RFX2: variants seen among roughly 807,000 people sequenced by gnomAD.
RFX2 encodes regulatory factor X2.
RFX2 carries 20 observed loss-of-function variants against 87.8 expected under a neutral mutation model. That is an observed-to-expected ratio of 0.23 (90% CI 0.16 to 0.33). The LOEUF (loss-of-function observed/expected upper bound fraction) is 0.33, where lower values mean the gene tolerates loss of function less well. Among genes scored for constraint, RFX2 ranks in the 10% least tolerant of loss-of-function variants. The probability of loss-of-function intolerance (pLI) is 1.00; values close to 1 mark genes in which losing one functional copy is unlikely to be tolerated. For synonymous variants in RFX2, 397 were observed against 431.3 expected, an observed-to-expected ratio of 0.92 and a Z score of 0.98; for missense variants, 767 against 1,012.3, an observed-to-expected ratio of 0.76 and a Z score of 3.29.
chr19:6,040,202 G>A lies in RFX2; in HGVS notation c.300C>T (p.Tyr100=), dbSNP rs764098941. The A allele has an allele frequency of 1.6e-5, 25 of 1,587,464 alleles. No individual in the cohort carries two copies. The highest frequency in any genetic ancestry group is 1.7e-4 in the Middle Eastern group (1 of 5,962). The stretch of plus-strand genomic sequence containing the variant: ...AGTAAGAAGCCGTGCTGCTGGGGGC[G>A]TACATCTGAGGCTCGGGGTTGTAGG... ...AYTYNPEPQM[Y]APSSTASYFE... is the part of the protein sequence containing the mutation. Residue 100 remains tyrosine, a synonymous_variant, in exon 5 of 18, where the codon TAC becomes TAT. Transcript: ENST00000303657. This position sits in a 1 kb window ranked among gnomAD's most constrained non-coding sequence, Gnocchi z 6.1.
chr19:6,038,393 C>T (rs1308731606), intron 5 of RFX2, among the ~76,000 whole-genome samples: 1 of 99,912 alleles, frequency 1.0e-5, no homozygotes. Context: ...TCAAAGAAAA[C>T]AGGAGAAAAT....
In RFX2 at chr19:6,064,111, T is replaced by C. The variant is rs552009579; in HGVS notation, c.-8-16607A>G. Among the ~76,000 whole-genome samples the C allele has an allele frequency of 5.9e-5, 9 of 152,280 alleles. No homozygotes were observed. The South Asian group carries it at 1.9e-3, about 32-fold the overall frequency. ...GATCCCTCACCCCAACCCCAGACCC[T>C]ACGTAGCACATTGCCTGCAAAGATG... On this transcript the variant is annotated intron_variant, in intron 1 of 17. Transcript: ENST00000303657. This position sits in a 1 kb window ranked among gnomAD's most constrained non-coding sequence, Gnocchi z 4.8.
At chr19:6,065,687 TTAAA>T (rs2087500114) in intron 1 of RFX2, among the ~76,000 whole-genome samples, 2 of 152,058 alleles carry the variant, frequency 1.3e-5, no homozygotes, top group South Asian at 4.1e-4. Context: ...TTTAGATACT[TTAAA>T]TAGTCCTAAG....
At chr19:6,109,424 G>T (rs62107233) in intron 1 of RFX2, 2,902 of 152,380 alleles carry the variant, frequency 0.019, 37 homozygotes, top group South Asian at 0.045. Context: ...GGGAGTTTGG[G>T]ATGAAAAGGT....
At position 6,107,616 on chromosome 19, in the gene RFX2, C is replaced by CAAAAAAAAAAAAA. The variant is rs1156483792; in HGVS notation, c.-9+2764_-9+2776dup. Among the ~76,000 whole-genome samples, 61 of 31,552 alleles carry CAAAAAAAAAAAAA rather than the reference C, an allele frequency of 1.9e-3. 5 individuals are homozygous for CAAAAAAAAAAAAA. Among genetic ancestry groups the CAAAAAAAAAAAAA allele is most frequent in the African/African-American group, 5.8e-3 (47 of 8,078 alleles). 20.7% of individuals were successfully genotyped at this position (31,552 alleles called of 152,430 possible). Reference sequence around the variant, plus strand: ...TGGGTGACAGAGTGAGACCCTGTCTCAAAAAAAAAAAAAAAAAAAAAAAAA... The same window carrying CAAAAAAAAAAAAA: ...TGGGTGACAGAGTGAGACCCTGTCTCAAAAAAAAAAAAAAAAAAAAAAAAAAAAAAAAAAAAAA... On this transcript the variant is annotated intron_variant, in intron 1 of 17. Coordinates refer to ENST00000303657, the MANE Select transcript of RFX2 (RefSeq NM_000635.4).
In RFX2 at chr19:6,023,786, TTTTTTTTTTTTGAGATGGAG is replaced by T. The variant is rs2086851417; in HGVS notation, c.597+2357_597+2376del. Among the ~76,000 whole-genome samples the T allele has an allele frequency of 6.9e-6, 1 of 145,208 alleles. No homozygotes were observed. The highest frequency in any genetic ancestry group is 2.2e-4 in the South Asian group (1 of 4,586). On this transcript the variant is annotated intron_variant, in intron 6 of 17. Coordinates refer to ENST00000303657, the MANE Select transcript of RFX2 (RefSeq NM_000635.4). The surrounding 1 kb of genome is among the most constrained non-coding windows in gnomAD (Gnocchi z 4.9). ...TGCATTTTCCCATAGACATTTTTTCTTTTTTTTTTTTGAGATGGAGTCTCGCTCTGTCTCCCAGGCTGGAG... is the reference window on the plus strand; with the variant it reads ...TGCATTTTCCCATAGACATTTTTTCTTCTCGCTCTGTCTCCCAGGCTGGAG...
rs1257949008 is a variant in RFX2, at chr19:6,002,383, TG to T, written c.1650+337del. Among the ~76,000 whole-genome samples, 1 of 152,256 alleles carries T rather than the reference TG, an allele frequency of 6.6e-6. No individual in the cohort carries two copies. Among genetic ancestry groups the T allele is most frequent in the Non-Finnish European group, 1.5e-5 (1 of 68,040 alleles). On this transcript the variant is annotated intron_variant, in intron 14 of 17. Transcript: ENST00000303657. The surrounding 1 kb of genome is among the most constrained non-coding windows in gnomAD (Gnocchi z 6.7). Reference sequence around the variant, plus strand: ...AATAAGCATAGCTCGGAAGCTGCTGTGGGCCGACACTTTGCCAAGCCCAGGG... The same window carrying T: ...AATAAGCATAGCTCGGAAGCTGCTGTGGCCGACACTTTGCCAAGCCCAGGG...
At position 6,044,157 on chromosome 19, in the gene RFX2, C is replaced by A; in HGVS notation, c.180+36G>T. ...TCTGGATTGCTGAGTGCTAACTGCG[C>A]CCCGGTTTGCACGGTGCTGCGGTGC... On this transcript the variant is annotated intron_variant, in intron 3 of 17. Coordinates refer to ENST00000303657, the MANE Select transcript of RFX2 (RefSeq NM_000635.4). This position sits in a 1 kb window ranked among gnomAD's most constrained non-coding sequence, Gnocchi z 5.3. 7.7e-7 allele frequency: 1 copy of A among 1,300,514 alleles called. No individual in the cohort carries two copies. Among genetic ancestry groups the A allele is most frequent in the Non-Finnish European group, 1.0e-6 (1 of 986,866 alleles). The allele number at this position is 1,300,514 out of a possible 1,614,324, so 80.6% of individuals were successfully genotyped here.
In RFX2 at chr19:5,999,461, G is replaced by A. The variant is rs914729703; in HGVS notation, c.1860-2248C>T. Among the ~76,000 whole-genome samples the A allele has an allele frequency of 1.3e-5, 2 of 151,892 alleles. No individual in the cohort carries two copies. The highest frequency in any genetic ancestry group is 2.9e-5 in the Non-Finnish European group (2 of 67,976). ...CCCTCTGTCCATGGAGACTGGCATC[G>A]GCATCCCTACGCTGTCTCTTCCCTT... On this transcript the variant is annotated intron_variant, in intron 15 of 17. Coordinates refer to ENST00000303657, the MANE Select transcript of RFX2 (RefSeq NM_000635.4). The surrounding 1 kb of genome is among the most constrained non-coding windows in gnomAD (Gnocchi z 4.1).
In RFX2 at chr19:5,994,921, C is replaced by T. The variant is rs35216341; in HGVS notation, c.2086G>A (p.Glu696Lys). 95 of 1,608,368 alleles carry T rather than the reference C, an allele frequency of 5.9e-5. No individual in the cohort carries two copies. In the African/African-American group the frequency reaches 8.7e-4, roughly 15 times the overall value. The change falls in exon 18 of 18, where the codon GAG becomes AAG. Residue 696 changes from glutamate (E) to lysine (K), a missense_variant. By Grantham distance (56) the Glu-to-Lys change is moderately conservative. Transcript: ENST00000303657. ...DDMGDEQRGS[E>K]AGPDARSLGE... ...AGGCTGCGGGCGTCTGGGCCCGCCTCGCTGCCACGCTGCTCATCGCCCATG... is the reference window on the plus strand; with the variant it reads ...AGGCTGCGGGCGTCTGGGCCCGCCTTGCTGCCACGCTGCTCATCGCCCATG...
intron 1 of RFX2, among the ~76,000 whole-genome samples, chr19:6,108,658 G>A (rs1223196960): frequency 2.0e-5 from 3 of 152,176 alleles, no homozygotes; most frequent in African/African-American, 7.2e-5. Flanking sequence ...GAAAATAATT[G>A]CAGGGAGGCA....
chr19:6,096,454 TG>T (rs2088026234), intron 1 of RFX2, among the ~76,000 whole-genome samples: 1 of 151,948 alleles, frequency 6.6e-6, no homozygotes, highest in African/African-American at 2.4e-5. Context: ...TGTTTTGTTT[TG>T]TTTTGTTTTG....
intron 1 of RFX2, among the ~76,000 whole-genome samples, chr19:6,102,514 T>C (rs539180742): frequency 4.6e-5 from 7 of 152,314 alleles, no homozygotes; most frequent in East Asian, 1.9e-4. Context: ...CTACCAATGA[T>C]CCAGTTTATA....
rs1260990995 is a variant in RFX2, at chr19:5,999,585, G to C, written c.1859+2230C>G. ...AGTGGTGTGCTAGGTCCATGGCAGA[G>C]CCGCATAGTCTATTAGGCGTGTGGT... On this transcript the variant is annotated intron_variant, in intron 15 of 17. Coordinates refer to ENST00000303657, the MANE Select transcript of RFX2 (RefSeq NM_000635.4). This position sits in a 1 kb window ranked among gnomAD's most constrained non-coding sequence, Gnocchi z 4.1. 6.6e-6 allele frequency among the ~76,000 whole-genome samples: 1 copy of C among 152,152 alleles called. No homozygotes were observed. Among genetic ancestry groups the C allele is most frequent in the Non-Finnish European group, 1.5e-5 (1 of 68,020 alleles).
At chr19:6,041,471 T>G (rs2087105705) in intron 4 of RFX2, among the ~76,000 whole-genome samples, 1 of 152,174 alleles carries the variant, frequency 6.6e-6, no homozygotes, top group Admixed American at 6.5e-5. Context: ...CTAGACATCC[T>G]TGCAACATGG....
rs953207414 is a variant in RFX2 at position 5,999,119 on chromosome 19, G to T, written c.1860-1906C>A. 1.3e-5 allele frequency among the ~76,000 whole-genome samples: 2 copies of T among 152,164 alleles called. No individual in the cohort carries two copies. The highest frequency in any genetic ancestry group is 4.8e-5 in the African/African-American group (2 of 41,424). ...AAAAATACAAAAATCAGCCAGGCCTGGTGGTGGGCACCTGTAATCCCAGCT... is the reference window on the plus strand; with the variant it reads ...AAAAATACAAAAATCAGCCAGGCCTTGTGGTGGGCACCTGTAATCCCAGCT... On this transcript the variant is annotated intron_variant, in intron 15 of 17. Transcript: ENST00000303657. This position sits in a 1 kb window ranked among gnomAD's most constrained non-coding sequence, Gnocchi z 4.1.
Position 6,064,246 on chromosome 19 carries a change from T to C in RFX2, c.-8-16742A>G, listed in dbSNP as rs1296114287. ...TTGGCCTCCAGCTCCCGTCTTCAGC[T>C]GAGCACAGGGGCCTGTCCCAGGATT... On this transcript the variant is annotated intron_variant, in intron 1 of 17. Coordinates refer to ENST00000303657, the MANE Select transcript of RFX2 (RefSeq NM_000635.4). This position sits in a 1 kb window ranked among gnomAD's most constrained non-coding sequence, Gnocchi z 4.8. Among the ~76,000 whole-genome samples, 3 of 152,228 alleles carry C rather than the reference T, an allele frequency of 2.0e-5. No individual in the cohort carries two copies. The highest frequency in any genetic ancestry group is 6.5e-5 in the Admixed American group (1 of 15,278).
Position 6,002,572 on chromosome 19 carries a change from G to T in RFX2, c.1650+149C>A. 1.1e-6 allele frequency: 1 copy of T among 930,300 alleles called. No individual in the cohort carries two copies. Among genetic ancestry groups the T allele is most frequent in the Non-Finnish European group, 1.6e-6 (1 of 616,270 alleles). The allele number at this position is 930,300 out of a possible 1,614,324, so 57.6% of individuals were successfully genotyped here. A position where few individuals can be genotyped will look rare whatever the true frequency, so the allele number is the denominator to read the frequency against. ...GGAGAGAGCTGGGGGCTGTGGGTGGGCTTTGGCCTGGGACCCGTGTCATGC... is the reference window on the plus strand; with the variant it reads ...GGAGAGAGCTGGGGGCTGTGGGTGGTCTTTGGCCTGGGACCCGTGTCATGC... On this transcript the variant is annotated intron_variant, in intron 14 of 17. Transcript: ENST00000303657. The surrounding 1 kb of genome is among the most constrained non-coding windows in gnomAD (Gnocchi z 6.7).
chr19:6,071,827 AG>A (rs1325865673), intron 1 of RFX2, among the ~76,000 whole-genome samples: 1 of 152,366 alleles, frequency 6.6e-6, no homozygotes, highest in Admixed American at 6.5e-5. Context: ...CAAAAGCTTG[AG>A]GGGAAATGTT....
Sources: allele counts gnomAD v4.1 joint callset (sites outside exome capture counted in the v4.1 genomes callset), GRCh38; gene constraint gnomAD v4.1.1; non-coding constraint Gnocchi (gnomAD v3.1); transcripts MANE v1.5; gene names NCBI Gene and HGNC (gene_info 2026-07-23, HGNC 2026-07-21).